The following LZIC variants were observed in gnomAD, a reference collection of about 807,000 sequenced individuals.
The protein encoded by LZIC is protein LZIC.
LZIC carries 28 observed loss-of-function variants against 25.4 expected under a neutral mutation model. That is an observed-to-expected ratio of 1.10 (90% CI 0.82 to 1.51). The LOEUF is 1.51. LZIC is among the 40% of genes most tolerant of loss of function. The probability of loss-of-function intolerance (pLI) is 0.00; values close to 1 mark genes in which losing one functional copy is unlikely to be tolerated. For synonymous variants in LZIC, 65 were observed against 70.7 expected, an observed-to-expected ratio of 0.92 and a Z score of 0.40; for missense variants, 170 against 211.1, an observed-to-expected ratio of 0.81 and a Z score of 1.21.
In LZIC at chr1:9,926,685, C is replaced by T. The variant is rs1165577941; in HGVS notation, c.*3714G>A. 3.9e-5 allele frequency among the ~76,000 whole-genome samples: 6 copies of T among 152,210 alleles called. No individual in the cohort carries two copies. Among genetic ancestry groups the T allele is most frequent in the Admixed American group, 3.9e-4 (6 of 15,280 alleles). On this transcript the variant is annotated 3_prime_UTR_variant, in exon 8 of 8. Transcript: ENST00000377223. The stretch of plus-strand genomic sequence containing the variant: ...ACTTGCTCATTGGAACTTATTTCTG[C>T]TTCAGCTCTAGTTCTTTGAGAAACA...
At chr1:9,936,328 A>C (rs1640455572) in intron 3 of LZIC, among the ~76,000 whole-genome samples, 191 bp downstream of exon 3, 1 of 152,156 alleles carries the variant, frequency 6.6e-6, no homozygotes, top group African/African-American at 2.4e-5. Flanking sequence ...CTTAGTAGTT[A>C]ACTGAATGAC....
chr1:9,922,758 C>T (rs1425965654), downstream of LZIC, among the ~76,000 whole-genome samples: 1 of 152,214 alleles, frequency 6.6e-6, no homozygotes, highest in African/African-American at 2.4e-5. Flanking sequence ...ATCCAGGTGA[C>T]ACTTAGGACA....
intron 2 of LZIC, among the ~76,000 whole-genome samples, chr1:9,938,052 A>AAT (rs753162779): frequency 0.013 from 1,977 of 151,242 alleles, 45 homozygotes; most frequent in African/African-American, 0.043. Context: ...GGTAAATGGA[A>AAT]ATATATATAT....
At position 9,928,029 on chromosome 1, in the gene LZIC, AG is replaced by A. The variant is rs1281884370; in HGVS notation, c.*2369del. ...AAACGTAGGCTGGGTGTGGTGGCTC[AG>A]GCCGGGTATGGTGGCTCATGCCTGT... On this transcript the variant is annotated 3_prime_UTR_variant, in exon 8 of 8. Coordinates refer to ENST00000377223, the MANE Select transcript of LZIC (RefSeq NM_032368.5). 6.6e-6 allele frequency among the ~76,000 whole-genome samples: 1 copy of A among 152,058 alleles called. No homozygotes were observed. The highest frequency in any genetic ancestry group is 2.4e-5 in the African/African-American group (1 of 41,428).
chr1:9,933,397 T>C (rs1355281293), intron 5 of LZIC, among the ~76,000 whole-genome samples: 1 of 150,746 alleles, frequency 6.6e-6, no homozygotes, highest in Non-Finnish European at 1.5e-5. Flanking sequence ...AAGGCAAATA[T>C]GATAGAAATG....
At chr1:9,939,038 G>C (rs1013474376) in intron 2 of LZIC, among the ~76,000 whole-genome samples, 1 of 152,070 alleles carries the variant, frequency 6.6e-6, no homozygotes, top group Admixed American at 6.6e-5. Flanking sequence ...AAGGGTATTA[G>C]GGCAATTGGC....
intron 2 of LZIC, among the ~76,000 whole-genome samples, chr1:9,938,174 G>C (rs1361031612): frequency 6.6e-6 from 1 of 152,014 alleles, no homozygotes; most frequent in Non-Finnish European, 1.5e-5. Flanking sequence ...TTGTGAGCAT[G>C]AACTTTTTTT....
chr1:9,934,787 C>T lies in LZIC; in HGVS notation c.311G>A (p.Gly104Asp), dbSNP rs2304778. The T allele has an allele frequency of 2.7e-4, 438 of 1,614,114 alleles. 3 individuals are homozygous for T. In the East Asian group the frequency reaches 7.8e-3, roughly 29 times the overall value. The change falls in exon 5 of 8, where the codon GGT becomes GAT. Residue 104 changes from glycine to aspartate, a missense_variant. Coordinates refer to ENST00000377223, the MANE Select transcript of LZIC (RefSeq NM_032368.5). ...CTCTGCTAACCTTGTCCGAAGCTGA[C>T]CTGGTTGTTTCTTTGCAAACAATCT... ...VIRLFAKKQP[G>D]QLRTRLAEMD...
At chr1:9,934,738 C>T in intron 5 of LZIC, 24 bp downstream of exon 5, 1 of 1,593,094 alleles carries the variant, frequency 6.3e-7, no homozygotes, top group Non-Finnish European at 8.6e-7. Flanking sequence ...ACACAGCAAC[C>T]AAATCAATTT....
rs1268305079 is a variant in LZIC at position 9,942,899 on chromosome 1, C to T, written c.-167-117G>A. ...GAGACATCAAGGGCGGGGGCACTTT[C>T]CCCCTCGACTGCGCCTACCGCAGCC... On this transcript the variant is annotated intron_variant, in intron 1 of 7. Coordinates refer to ENST00000377223, the MANE Select transcript of LZIC (RefSeq NM_032368.5). 1.9e-5 allele frequency: 7 copies of T among 360,834 alleles called. No individual in the cohort carries two copies. The Admixed American group carries it at 2.5e-4, about 13-fold the overall frequency. 22.4% of individuals were successfully genotyped at this position (360,834 alleles called of 1,614,324 possible).
chr1:9,931,572 G>A (rs996440473), intron 7 of LZIC, among the ~76,000 whole-genome samples: 4 of 152,000 alleles, frequency 2.6e-5, no homozygotes, highest in South Asian at 2.1e-4. Context: ...TTGGCCTCCC[G>A]CTTTTTAATT....
At chr1:9,925,231 CAGG>C (rs943211687), downstream of LZIC, among the ~76,000 whole-genome samples, 2 of 151,938 alleles carry the variant, frequency 1.3e-5, no homozygotes, top group Non-Finnish European at 2.9e-5. Context: ...GAGGCTGAGG[CAGG>C]AGAATTGCTT....
chr1:9,943,227 C>A (rs1302632734), intron 1 of LZIC, 22 bp downstream of exon 1: 1 of 160,918 alleles, frequency 6.2e-6, no homozygotes, highest in African/African-American at 2.4e-5. Context: ...CCCATGGTCC[C>A]CGAAACTCCT....
rs752769691 is a variant in LZIC at position 9,930,482 on chromosome 1, C to G, written c.515-25G>C. 1.9e-6 allele frequency: 3 copies of G among 1,610,874 alleles called. No individual in the cohort carries two copies. The South Asian group carries it at 3.3e-5, about 18-fold the overall frequency. On this transcript the variant is annotated intron_variant, in intron 7 of 7. Coordinates refer to ENST00000377223, the MANE Select transcript of LZIC (RefSeq NM_032368.5). ...CCTAAGAAAAAAGACACATAATAAA[C>G]AAAAAGATTATTTCAAGTGCAGTTG...
In LZIC at chr1:9,934,839, G is replaced by C; in HGVS notation, c.259C>G (p.Gln87Glu). The C allele has an allele frequency of 6.2e-7, 1 of 1,614,048 alleles. No homozygotes were observed. The highest frequency in any genetic ancestry group is 1.1e-5 in the South Asian group (1 of 91,078). The stretch of plus-strand genomic sequence containing the variant: ...ATGACCTCTGGGGTTTTAAAGGCCT[G>C]GCTGATAGCTGCCTGAATAGCCTAG... ...MQLAIQAAIS[Q>E]AFKTPEVIRL... The change falls in exon 5 of 8, where the codon CAG (glutamine) becomes GAG (glutamate). Residue 87 changes from glutamine (Q) to glutamate (E), a missense_variant. Physicochemically the swap from Gln to Glu is conservative, Grantham distance 29. Coordinates refer to ENST00000377223, the MANE Select transcript of LZIC (RefSeq NM_032368.5).
chr1:9,922,320 G>A, downstream of LZIC: 4 of 985,382 alleles, frequency 4.1e-6, no homozygotes, highest in South Asian at 9.4e-5. Context: ...TTGCTGGGGT[G>A]TGAGTCTAGC....
In LZIC at chr1:9,936,568, C is replaced by A. The variant is rs774074073; in HGVS notation, c.52G>T (p.Glu18Ter). Reference protein sequence around the residue: ...ETSKLKQNLEEQLDRLMQQLQ... With the variant: ...ETSKLKQNLE ...TGTTGCATGAGTCTATCCAACTGTT[C>A]TTCTAAATTCTGCTTTAATTTGCTT... Residue 18 changes from glutamate (E) to a stop codon, truncating the protein, a stop_gained, in exon 3 of 8, where the codon GAA becomes TAA. Coordinates refer to ENST00000377223, the MANE Select transcript of LZIC (RefSeq NM_032368.5). LOFTEE classifies it high-confidence loss of function. The A allele has an allele frequency of 1.2e-6, 2 of 1,613,758 alleles. No individual in the cohort carries two copies. Among genetic ancestry groups the A allele is most frequent in the Non-Finnish European group, 1.7e-6 (2 of 1,179,690 alleles).
At position 9,930,316 on chromosome 1, in the gene LZIC, T is replaced by C; in HGVS notation, c.*83A>G. On this transcript the variant is annotated 3_prime_UTR_variant, in exon 8 of 8. Coordinates refer to ENST00000377223, the MANE Select transcript of LZIC (RefSeq NM_032368.5). ...TGATGCATTTCCAGAATCTCTTCATTTCTTTGCAATAACTGAAAACCCCAG... is the reference window on the plus strand; with the variant it reads ...TGATGCATTTCCAGAATCTCTTCATCTCTTTGCAATAACTGAAAACCCCAG... 1 of 1,573,586 alleles carries C rather than the reference T, an allele frequency of 6.4e-7. No homozygotes were observed. The highest frequency in any genetic ancestry group is 8.6e-7 in the Non-Finnish European group (1 of 1,163,240).
At chr1:9,925,157 CAAAAA>C (rs35578033), downstream of LZIC, among the ~76,000 whole-genome samples, 10 of 101,306 alleles carry the variant, frequency 9.9e-5, no homozygotes, top group African/African-American at 3.1e-4. Flanking sequence ...ACTAAAAATA[CAAAAA>C]AAAAAAAAAA....
Sources: gnomAD v4.1 joint callset for allele counts (sites outside exome capture counted in the v4.1 genomes callset) on GRCh38, gnomAD v4.1.1 for gene constraint, MANE v1.5 for transcripts, NCBI Gene and HGNC (gene_info 2026-07-23, HGNC 2026-07-21) for gene names.